CACNA2D3: variants seen among roughly 807,000 people sequenced by gnomAD.
The protein encoded by CACNA2D3 is voltage-dependent calcium channel subunit alpha-2/delta-3.
A neutral mutation model predicts 160.6 loss-of-function variants in CACNA2D3; 60 were observed. The ratio of observed to expected loss-of-function variants is 0.37; its 90% CI spans 0.30 to 0.46. The LOEUF (loss-of-function observed/expected upper bound fraction) is 0.46, where lower values mean the gene tolerates loss of function less well. Among genes scored for constraint, CACNA2D3 ranks in the 20% least tolerant of loss-of-function variants. The pLI, the probability that CACNA2D3 is intolerant of heterozygous loss-of-function variation, is 1.00. For synonymous variants in CACNA2D3, 558 were observed against 492.9 expected (o/e 1.13, Z -1.75); for missense variants, 1,205 against 1,365.0 (o/e 0.88, Z 1.85).
chr3:54,420,321 G>T (rs1384609294), intron 4 of CACNA2D3, among the ~76,000 whole-genome samples: 1 of 152,144 alleles, frequency 6.6e-6, no homozygotes, highest in Non-Finnish European at 1.5e-5. Context: ...TTTACCTCGT[G>T]ATCCACCCAC....
chr3:54,682,478 T>G (rs1700371307), intron 11 of CACNA2D3, among the ~76,000 whole-genome samples: 1 of 151,900 alleles, frequency 6.6e-6, no homozygotes. Context: ...ATATAAAAAT[T>G]AGCCAGGTAT....
At chr3:54,333,033 A>G (rs1035689319) in intron 3 of CACNA2D3, among the ~76,000 whole-genome samples, 2 of 152,170 alleles carry the variant, frequency 1.3e-5, no homozygotes, top group Non-Finnish European at 2.9e-5. Flanking sequence ...GGAACAGCAC[A>G]TGTGAAGCTG....
intron 11 of CACNA2D3, among the ~76,000 whole-genome samples, chr3:54,706,979 A>G (rs1700867100): frequency 6.6e-6 from 1 of 152,166 alleles, no homozygotes; most frequent in Non-Finnish European, 1.5e-5. Flanking sequence ...AACCATCCAG[A>G]TTGGGATTTC....
chr3:54,569,832 C>T lies in CACNA2D3; in HGVS notation c.714C>T (p.Ala238=). ...AACCAGATGAGAATGGAGTCATTGC[C>T]TTCGACTGCAGGAACCGAAAATGGT... ...KWEPDENGVI[A]FDCRNRKWYI... Residue 238 remains alanine (A), a synonymous_variant, in exon 7 of 38, where the codon GCC becomes GCT. Coordinates refer to ENST00000474759, the MANE Select transcript of CACNA2D3 (RefSeq NM_018398.3). 1 of 1,607,238 alleles carries T rather than the reference C, an allele frequency of 6.2e-7. No individual in the cohort carries two copies. The highest frequency in any genetic ancestry group is 8.5e-7 in the Non-Finnish European group (1 of 1,176,582).
chr3:54,885,064 G>A (rs1447262178), intron 21 of CACNA2D3, among the ~76,000 whole-genome samples: 1 of 152,180 alleles, frequency 6.6e-6, no homozygotes, highest in Non-Finnish European at 1.5e-5. Context: ...GAAGGTGGCA[G>A]TGCTGGGCTG....
intron 27 of CACNA2D3, among the ~76,000 whole-genome samples, chr3:54,903,832 G>A (rs900829790): frequency 2.6e-5 from 4 of 152,012 alleles, no homozygotes; most frequent in African/African-American, 9.7e-5. Context: ...TTTTTCATAT[G>A]CTTGTGAGCT....
In CACNA2D3 at chr3:54,642,235, T is replaced by C; in HGVS notation, c.1161T>C (p.Asp387=). The change falls in exon 11 of 38, where the codon GAT becomes GAC. Residue 387 remains aspartate, a synonymous_variant. Transcript: ENST00000474759. ...TCTTTGCAAAATACAATTGGCCAGA[T>C]CGAAAGGTAAGTTGATGCTGATCCC... ...DTIFAKYNWP[D]RKVRIFTYLI... The C allele has an allele frequency of 6.2e-7, 1 of 1,604,872 alleles. No individual in the cohort carries two copies. The highest frequency in any genetic ancestry group is 8.5e-7 in the Non-Finnish European group (1 of 1,173,690).
rs1324804798 is a variant in CACNA2D3, at chr3:54,394,608, TG to T, written c.381+7836del. 3.3e-5 allele frequency among the ~76,000 whole-genome samples: 4 copies of T among 120,092 alleles called. 1 individual carries two copies. Among genetic ancestry groups the T allele is most frequent in the Non-Finnish European group, 6.9e-5 (4 of 58,322 alleles). 78.8% of individuals were successfully genotyped at this position (120,092 alleles called of 152,430 possible). A position where few individuals can be genotyped will look rare whatever the true frequency, so the allele number is the denominator to read the frequency against. ...TCTTGCGATAGTTTACTGAGAATGA[TG>T]GTTTCCATCCATGTCCCTACAAAGG... is the stretch of plus-strand genomic sequence containing the variant. On this transcript the variant is annotated intron_variant, in intron 4 of 37. Transcript: ENST00000474759.
At chr3:55,000,983 A>G (rs548214855) in intron 31 of CACNA2D3, among the ~76,000 whole-genome samples, 32 of 152,294 alleles carry the variant, frequency 2.1e-4, no homozygotes, top group South Asian at 4.1e-4. Context: ...CCAATGATCT[A>G]TGTGAACTTG....
At chr3:54,561,514 A>T (rs565279896) in intron 5 of CACNA2D3, among the ~76,000 whole-genome samples, 31 of 152,340 alleles carry the variant, frequency 2.0e-4, no homozygotes, top group Admixed American at 5.9e-4. Flanking sequence ...GGATCATGTC[A>T]TCTGTAAACA....
In CACNA2D3 at chr3:54,533,794, AGTGTGTGTGTGTGTGTGT is replaced by A. The variant is rs61234075; in HGVS notation, c.545-28989_545-28972del. 9.3e-5 allele frequency among the ~76,000 whole-genome samples: 14 copies of A among 149,858 alleles called. No individual in the cohort carries two copies. In the South Asian group the frequency reaches 2.4e-3, roughly 25 times the overall value. On this transcript the variant is annotated intron_variant, in intron 5 of 37. Coordinates refer to ENST00000474759, the MANE Select transcript of CACNA2D3 (RefSeq NM_018398.3). ...CTTCTAGTGGTTTGAAATGGAAAAT[AGTGTGTGTGTGTGTGTGT>A]GTGTGTGTGTGTGTGTTAATAGGGT... is the stretch of plus-strand genomic sequence containing the variant.
chr3:54,686,955 A>G (rs1700458357), intron 11 of CACNA2D3, among the ~76,000 whole-genome samples: 1 of 152,104 alleles, frequency 6.6e-6, no homozygotes, highest in African/African-American at 2.4e-5. Context: ...GGGCATAACT[A>G]CTTAATAAAA....
At chr3:54,127,786 A>G (rs1430094433) in intron 2 of CACNA2D3, among the ~76,000 whole-genome samples, 2 of 152,230 alleles carry the variant, frequency 1.3e-5, no homozygotes, top group East Asian at 3.8e-4. Context: ...AATCACCCAG[A>G]CAGTAGCAGA....
rs182965989 is a variant in CACNA2D3 at position 54,671,506 on chromosome 3, A to G, written c.1167+29265A>G. 4.8e-4 allele frequency among the ~76,000 whole-genome samples: 73 copies of G among 152,302 alleles called. 1 individual carries two copies. Among genetic ancestry groups the G allele is most frequent in the Non-Finnish European group, 8.8e-4 (60 of 68,036 alleles). ...GAGGAGAAAGTAAGTGAGGGAGTAC[A>G]TGATTTATCAAAAGTGACAAGGAGA... On this transcript the variant is annotated intron_variant, in intron 11 of 37. Transcript: ENST00000474759.
At chr3:54,486,661 G>A (rs1701019734) in intron 4 of CACNA2D3, among the ~76,000 whole-genome samples, 1 of 152,146 alleles carries the variant, frequency 6.6e-6, no homozygotes. Context: ...GATGACCACT[G>A]GCAGCCCAAA....
chr3:55,025,281 TC>T (rs1358629376), intron 35 of CACNA2D3, among the ~76,000 whole-genome samples: 1 of 152,158 alleles, frequency 6.6e-6, no homozygotes, highest in African/African-American at 2.4e-5. Context: ...GTCATTGCAT[TC>T]CTGCTGTGGT....
At chr3:54,188,539 C>A (rs1168429034) in intron 2 of CACNA2D3, among the ~76,000 whole-genome samples, 1 of 152,162 alleles carries the variant, frequency 6.6e-6, no homozygotes, top group African/African-American at 2.4e-5. Context: ...GGCCAGGTGC[C>A]TCAGAGTCCA....
At chr3:54,631,333 A>G (rs1699234165) in intron 10 of CACNA2D3, among the ~76,000 whole-genome samples, 1 of 152,146 alleles carries the variant, frequency 6.6e-6, no homozygotes, top group Non-Finnish European at 1.5e-5. Flanking sequence ...GAAACATTTC[A>G]TATCATCTAT....
intron 9 of CACNA2D3, among the ~76,000 whole-genome samples, chr3:54,592,138 CCT>C (rs995329259): frequency 6.6e-6 from 1 of 152,060 alleles, no homozygotes; most frequent in African/African-American, 2.4e-5. Flanking sequence ...CGGGTGACCC[CCT>C]GAGAAGTCAG....
Sources: allele counts gnomAD v4.1 joint callset (sites outside exome capture counted in the v4.1 genomes callset), GRCh38; gene constraint gnomAD v4.1.1; transcripts MANE v1.5; gene names NCBI Gene and HGNC (gene_info 2026-07-23, HGNC 2026-07-21).